Variants in ELMO1 observed in about 807,000 individuals in gnomAD.
ELMO1 encodes the protein engulfment and cell motility 1, also known as engulfment and cell motility protein 1.
A neutral mutation model predicts 98.9 loss-of-function variants in ELMO1; 26 were observed. The observed-to-expected ratio is 0.26, with a 90% CI of 0.19 to 0.36. The LOEUF (loss-of-function observed/expected upper bound fraction) is 0.36, where lower values mean the gene tolerates loss of function less well. Among genes scored for constraint, ELMO1 ranks in the 10% least tolerant of loss-of-function variants. The probability of loss-of-function intolerance (pLI) is 1.00; values close to 1 mark genes in which losing one functional copy is unlikely to be tolerated. For missense variants in ELMO1, 627 were observed against 935.2 expected, an observed-to-expected ratio of 0.67 and a Z score of 4.30; for synonymous variants, 346 against 346.0, an observed-to-expected ratio of 1.00 and a Z score of 0.00.
At chr7:37,197,422 T>C (rs749665818) in intron 13 of ELMO1, among the ~76,000 whole-genome samples, 1 of 152,148 alleles carries the variant, frequency 6.6e-6, no homozygotes, top group Non-Finnish European at 1.5e-5. Flanking sequence ...CCGGCAGACG[T>C]GAAACAGACA....
rs138913132 is a variant in ELMO1, at chr7:37,236,296, T to C, written c.450-3102A>G. Among the ~76,000 whole-genome samples, 1,375 of 152,288 alleles carry C rather than the reference T, an allele frequency of 9.0e-3. 25 individuals are homozygous for C. Among genetic ancestry groups the C allele is most frequent in the African/African-American group, 0.032 (1,321 of 41,546 alleles). ...TTGGTTTCCAAATCCCCATGCTTGT[T>C]TGGGAGTCAAGATTTCAATCTCTAT... On this transcript the variant is annotated intron_variant, in intron 7 of 21. Coordinates refer to ENST00000310758, the MANE Select transcript of ELMO1 (RefSeq NM_014800.11).
At chr7:37,054,762 G>A (rs1159740859) in intron 15 of ELMO1, among the ~76,000 whole-genome samples, 3 of 152,174 alleles carry the variant, frequency 2.0e-5, no homozygotes, top group African/African-American at 7.2e-5. Flanking sequence ...ACCCCTTGTA[G>A]ATAGCATGCA....
At chr7:37,431,492 G>A (rs944740726) in intron 1 of ELMO1, among the ~76,000 whole-genome samples, 2 of 152,166 alleles carry the variant, frequency 1.3e-5, no homozygotes, top group African/African-American at 4.8e-5. Context: ...TCTAGGTCAA[G>A]TGAACAAAAG....
intron 13 of ELMO1, among the ~76,000 whole-genome samples, chr7:37,206,893 G>GA (rs569880916): frequency 3.8e-4 from 55 of 146,116 alleles, no homozygotes; most frequent in Admixed American, 8.2e-4. Flanking sequence ...AAAGCAGCTA[G>GA]AAAAAAAAAA....
Position 36,922,347 on chromosome 7 carries a change from C to CAAAAAA in ELMO1, c.1438-27336_1438-27331dup, listed in dbSNP as rs750588423. Among the ~76,000 whole-genome samples, 74 of 85,530 alleles carry CAAAAAA rather than the reference C, an allele frequency of 8.7e-4. 1 individual carries two copies. The highest frequency in any genetic ancestry group is 2.4e-3 in the African/African-American group (60 of 24,954). The allele number at this position is 85,530 out of a possible 152,430, so 56.1% of individuals were successfully genotyped here. ...TTTAAAGGCAGATATCACAGACTTGCAAAAAAAAAAAAAAAAAAAAACCAA... is the reference window on the plus strand; with the variant it reads ...TTTAAAGGCAGATATCACAGACTTGCAAAAAAAAAAAAAAAAAAAAAAAAAAACCAA... On this transcript the variant is annotated intron_variant, in intron 16 of 21. Coordinates refer to ENST00000310758, the MANE Select transcript of ELMO1 (RefSeq NM_014800.11).
chr7:37,222,445 A>G (rs1793648896), intron 10 of ELMO1, among the ~76,000 whole-genome samples, 170 bp downstream of exon 10: 1 of 152,200 alleles, frequency 6.6e-6, no homozygotes, highest in Non-Finnish European at 1.5e-5. Flanking sequence ...GGATTTGGGA[A>G]GGACCCCAGC....
At chr7:37,312,613 A>G (rs999156514) in intron 4 of ELMO1, among the ~76,000 whole-genome samples, 8 of 152,090 alleles carry the variant, frequency 5.3e-5, no homozygotes, top group African/African-American at 1.7e-4. Context: ...AAAGCCCTAC[A>G]TATTTTTTTA....
chr7:37,370,684 G>A (rs1802082418), intron 1 of ELMO1, among the ~76,000 whole-genome samples: 1 of 152,156 alleles, frequency 6.6e-6, no homozygotes, highest in Non-Finnish European at 1.5e-5. Context: ...TTAGTAATCA[G>A]AGGAATGCAG....
chr7:37,114,586 C>T (rs1167984317), intron 14 of ELMO1, among the ~76,000 whole-genome samples: 1 of 151,774 alleles, frequency 6.6e-6, no homozygotes, highest in African/African-American at 2.4e-5. Context: ...CATGCTGAAC[C>T]CCTATGGAAG....
At chr7:36,878,226 T>C (rs1804128553) in intron 18 of ELMO1, 109 bp from the exon 19 acceptor site, 5 of 801,440 alleles carry the variant, frequency 6.2e-6, no homozygotes, top group South Asian at 3.3e-5. Flanking sequence ...GTTCATTTGA[T>C]TTTAAGTCTT....
At chr7:37,356,439 T>C (rs187665497) in intron 1 of ELMO1, among the ~76,000 whole-genome samples, 5 of 152,278 alleles carry the variant, frequency 3.3e-5, no homozygotes, top group African/African-American at 9.6e-5. Context: ...AGCATTCCTA[T>C]TTCTCCAAAG....
intron 1 of ELMO1, among the ~76,000 whole-genome samples, chr7:37,358,892 G>T (rs1015647907): frequency 7.2e-5 from 11 of 152,190 alleles, no homozygotes; most frequent in Non-Finnish European, 1.0e-4. Flanking sequence ...GTGACTGATG[G>T]CAGTGACTTG....
chr7:37,298,042 A>T (rs1274475725), intron 4 of ELMO1, among the ~76,000 whole-genome samples: 4 of 152,104 alleles, frequency 2.6e-5, no homozygotes, highest in African/African-American at 7.2e-5. Context: ...AATATGCCTA[A>T]TCTGTGTAAA....
intron 16 of ELMO1, among the ~76,000 whole-genome samples, chr7:36,976,395 T>C (rs1299318926): frequency 6.6e-6 from 1 of 152,234 alleles, no homozygotes; most frequent in Non-Finnish European, 1.5e-5. Context: ...AAAAAATACT[T>C]CCTGTGAACA....
chr7:36,894,943 G>A lies in ELMO1; in HGVS notation c.1512C>T (p.Ser504=), dbSNP rs780950923. The part of the protein sequence containing the change: ...TKPSSLDQFK[S]KLQNLSYTEI... ...CAGTGTAGCTCAGGTTCTGCAGTTTGCTCTTGAACTGGTCCAGGGAGCTAG... is the reference window on the plus strand; with the variant it reads ...CAGTGTAGCTCAGGTTCTGCAGTTTACTCTTGAACTGGTCCAGGGAGCTAG... Residue 504 remains serine, a synonymous_variant, in exon 17 of 22, where the codon AGC becomes AGT. Coordinates refer to ENST00000310758, the MANE Select transcript of ELMO1 (RefSeq NM_014800.11). The A allele has an allele frequency of 4.3e-6, 7 of 1,614,034 alleles. No individual in the cohort carries two copies. The African/African-American group carries it at 5.3e-5, about 12-fold the overall frequency.
At chr7:36,916,671 G>A (rs1353586390) in intron 16 of ELMO1, among the ~76,000 whole-genome samples, 3 of 152,216 alleles carry the variant, frequency 2.0e-5, no homozygotes, top group African/African-American at 7.2e-5. Context: ...GGGCTAAATT[G>A]AGGAGGGGGC....
intron 14 of ELMO1, among the ~76,000 whole-genome samples, chr7:37,101,287 G>A (rs990468387): frequency 2.6e-5 from 4 of 152,118 alleles, no homozygotes; most frequent in South Asian, 2.1e-4. Context: ...GGGCTCTCCC[G>A]CAGGAATGCA....
intron 15 of ELMO1, among the ~76,000 whole-genome samples, chr7:37,091,616 G>A (rs1784098596): frequency 6.6e-6 from 1 of 152,084 alleles, no homozygotes. Context: ...TGCACACACA[G>A]GGTCAGTGTG....
intron 16 of ELMO1, among the ~76,000 whole-genome samples, chr7:36,923,981 A>G (rs1466784624): frequency 1.3e-5 from 2 of 152,168 alleles, no homozygotes; most frequent in East Asian, 1.9e-4. Flanking sequence ...TGATGAGGCA[A>G]TTATGGGCAA....
Sources: gnomAD v4.1 joint callset for allele counts (sites outside exome capture counted in the v4.1 genomes callset) on GRCh38, gnomAD v4.1.1 for gene constraint, MANE v1.5 for transcripts, NCBI Gene and HGNC (gene_info 2026-07-23, HGNC 2026-07-21) for gene names.